The following PIP5K1B variants were observed in gnomAD, a reference collection of about 807,000 sequenced individuals.
PIP5K1B encodes phosphatidylinositol-4-phosphate 5-kinase type 1 beta.
Under a neutral mutation model 67.0 loss-of-function variants are expected in PIP5K1B, and 42 were observed. That is an observed-to-expected ratio of 0.63 (90% CI 0.49 to 0.81). The LOEUF (loss-of-function observed/expected upper bound fraction) is 0.81, where lower values mean the gene tolerates loss of function less well. PIP5K1B is among the 30% of genes least tolerant of loss of function. PIP5K1B has a pLI of 0.00. For missense variants in PIP5K1B, 459 were observed against 646.3 expected (o/e 0.71, Z 3.14); for synonymous variants, 214 against 231.4 (o/e 0.92, Z 0.68).
At chr9:68,712,391 T>C (rs1436535866) in intron 1 of PIP5K1B, among the ~76,000 whole-genome samples, 1 of 152,250 alleles carries the variant, frequency 6.6e-6, no homozygotes, top group African/African-American at 2.4e-5. Context: ...TATTCCTTTA[T>C]GGCAATGCAA....
At chr9:68,798,236 A>G (rs759547292) in intron 2 of PIP5K1B, among the ~76,000 whole-genome samples, 38 of 152,316 alleles carry the variant, frequency 2.5e-4, no homozygotes, top group Non-Finnish European at 5.1e-4. Flanking sequence ...CTGGAGAGCA[A>G]TAATTGGGGT....
At chr9:68,879,092 A>G (rs1035435908) in intron 6 of PIP5K1B, among the ~76,000 whole-genome samples, 1 of 152,208 alleles carries the variant, frequency 6.6e-6, no homozygotes, top group Non-Finnish European at 1.5e-5. Context: ...AAATATAAAG[A>G]TTGACAAGAT....
At chr9:68,913,872 A>T (rs776259073) in intron 8 of PIP5K1B, among the ~76,000 whole-genome samples, 139 of 137,794 alleles carry the variant, frequency 1.0e-3, no homozygotes, top group Non-Finnish European at 1.9e-3. Context: ...TTTATTCTTT[A>T]AAAAAAAAAA....
chr9:68,965,947 C>G (rs1302628279), intron 14 of PIP5K1B, among the ~76,000 whole-genome samples: 1 of 145,312 alleles, frequency 6.9e-6, no homozygotes, highest in Non-Finnish European at 1.5e-5. Context: ...GCACTCCAAC[C>G]TGGGTGACAG....
chr9:68,779,912 C>A, intron 2 of PIP5K1B: 1 of 444,726 alleles, frequency 2.2e-6, no homozygotes, highest in East Asian at 3.5e-5. Flanking sequence ...AGCTATTTGC[C>A]GAAGGAATAT....
At chr9:68,767,376 T>A (rs1830478682) in intron 2 of PIP5K1B, among the ~76,000 whole-genome samples, 1 of 151,976 alleles carries the variant, frequency 6.6e-6, no homozygotes, top group African/African-American at 2.4e-5. Flanking sequence ...GGTGGATCAC[T>A]TAAGGTCAGG....
rs150411064 is a variant in PIP5K1B, at chr9:69,002,468, C to A, written c.1621-5979C>A. Among the ~76,000 whole-genome samples the A allele has an allele frequency of 1.2e-4, 18 of 152,208 alleles. No homozygotes were observed. The East Asian group carries it at 2.9e-3, about 24-fold the overall frequency. ...ACTAGCACGTGTATTTGTTTCCATG[C>A]CTAACAAAATGGTGAGCTTTTGGGT... On this transcript the variant is annotated intron_variant, in intron 15 of 15. Coordinates refer to ENST00000265382, the MANE Select transcript of PIP5K1B (RefSeq NM_003558.4).
At chr9:68,839,163 T>C (rs185465509) in intron 4 of PIP5K1B, among the ~76,000 whole-genome samples, 315 of 152,352 alleles carry the variant, frequency 2.1e-3, no homozygotes, top group Non-Finnish European at 2.2e-3. Context: ...TGCCTGAAAG[T>C]CTGTGCTTTT....
intron 14 of PIP5K1B, among the ~76,000 whole-genome samples, chr9:68,952,912 G>T (rs1828170023): frequency 6.7e-6 from 1 of 149,886 alleles, no homozygotes; most frequent in African/African-American, 2.5e-5. Flanking sequence ...TAAACTCTTT[G>T]ATTTTCTCTC....
intron 4 of PIP5K1B, among the ~76,000 whole-genome samples, chr9:68,853,344 G>A (rs1377921133): frequency 1.3e-5 from 2 of 152,212 alleles, no homozygotes; most frequent in African/African-American, 2.4e-5. Flanking sequence ...GAAAGGGCCT[G>A]GCTGGCCCAC....
chr9:68,887,469 G>A (rs549310061), intron 6 of PIP5K1B, among the ~76,000 whole-genome samples: 1 of 152,304 alleles, frequency 6.6e-6, no homozygotes, highest in Admixed American at 6.5e-5. Context: ...GAGAGAGAAG[G>A]CTGGGGAGGA....
intron 1 of PIP5K1B, among the ~76,000 whole-genome samples, chr9:68,709,059 T>C (rs891482769): frequency 6.6e-6 from 1 of 152,220 alleles, no homozygotes; most frequent in African/African-American, 2.4e-5. Context: ...TATTTGAGTT[T>C]GTCCCAGGAG....
intron 4 of PIP5K1B, among the ~76,000 whole-genome samples, chr9:68,838,745 A>C (rs1821763744): frequency 6.6e-6 from 1 of 152,142 alleles, no homozygotes; most frequent in African/African-American, 2.4e-5. Context: ...CTGAATCTAA[A>C]ATAAAACTTG....
chr9:68,822,612 T>C lies in PIP5K1B; in HGVS notation c.1-3T>C. On this transcript the variant is annotated splice_polypyrimidine_tract_variant and splice_region_variant and intron_variant, in intron 3 of 15. Transcript: ENST00000265382. ...TTCAAAGGGCAGTGTGTTTCTCTTG[T>C]AGATGTCTTCTGCTGCTGAAAATGG... 6.2e-7 allele frequency: 1 copy of C among 1,609,982 alleles called. No individual in the cohort carries two copies. Among genetic ancestry groups the C allele is most frequent in the South Asian group, 1.1e-5 (1 of 90,806 alleles).
At chr9:68,766,719 T>C (rs1830444988) in intron 2 of PIP5K1B, among the ~76,000 whole-genome samples, 1 of 152,168 alleles carries the variant, frequency 6.6e-6, no homozygotes, top group Non-Finnish European at 1.5e-5. Flanking sequence ...GTGTCTGTAT[T>C]TTAAATTTTT....
At chr9:68,868,913 A>AT (rs1196881628) in intron 5 of PIP5K1B, among the ~76,000 whole-genome samples, 8 of 151,468 alleles carry the variant, frequency 5.3e-5, no homozygotes, top group Middle Eastern at 6.8e-3. Flanking sequence ...TTCAGGATTT[A>AT]TTTGGACAGC....
intron 12 of PIP5K1B, among the ~76,000 whole-genome samples, chr9:68,926,807 G>A (rs1440930217): frequency 1.3e-5 from 2 of 151,930 alleles, no homozygotes; most frequent in African/African-American, 2.4e-5. Context: ...GCTGACCTCA[G>A]GTGATCTACC....
chr9:68,809,773 G>A (rs1323978411), intron 2 of PIP5K1B, among the ~76,000 whole-genome samples: 1 of 152,152 alleles, frequency 6.6e-6, no homozygotes, highest in Non-Finnish European at 1.5e-5. Flanking sequence ...CTTCATAAGT[G>A]AAGCTTTCCA....
chr9:68,721,800 A>G (rs969430081), intron 1 of PIP5K1B, among the ~76,000 whole-genome samples: 2 of 152,188 alleles, frequency 1.3e-5, no homozygotes, highest in Admixed American at 1.3e-4. Flanking sequence ...AATTAAAACC[A>G]TGAGACTAAA....
Sources: gnomAD v4.1 joint callset for allele counts (sites outside exome capture counted in the v4.1 genomes callset) on GRCh38, gnomAD v4.1.1 for gene constraint, MANE v1.5 for transcripts, NCBI Gene and HGNC (gene_info 2026-07-23, HGNC 2026-07-21) for gene names.